ZC2HC1B: variants seen among roughly 807,000 people sequenced by gnomAD.
ZC2HC1B encodes zinc finger C2HC-type containing 1B.
In ZC2HC1B, 36 loss-of-function variants were observed where a neutral mutation model predicts 31.0. The ratio of observed to expected loss-of-function variants is 1.16; its 90% CI spans 0.89 to 1.54. The LOEUF (loss-of-function observed/expected upper bound fraction) is 1.54. Among genes scored for constraint, ZC2HC1B ranks in the 40% most tolerant of loss-of-function variants. The pLI is 0.00. For missense variants in ZC2HC1B, 260 were observed against 268.6 expected, an observed-to-expected ratio of 0.97 and a Z score of 0.22; for synonymous variants, 73 against 88.0, an observed-to-expected ratio of 0.83 and a Z score of 0.95.
At position 143,870,219 on chromosome 6, in the gene ZC2HC1B, G is replaced by T. The variant is rs550962909; in HGVS notation, c.28+5652G>T. Among the ~76,000 whole-genome samples the T allele has an allele frequency of 6.6e-6, 1 of 152,244 alleles. No individual in the cohort carries two copies. Among genetic ancestry groups the T allele is most frequent in the Admixed American group, 6.5e-5 (1 of 15,294 alleles). ...AAGCAAGTGCACTGTTCAAAGTTCT[G>T]CCCACTGGGAAAATTTTCCCTCACC... On this transcript the variant is annotated intron_variant, in intron 1 of 7. Transcript: ENST00000237275. This position sits in a 1 kb window ranked among gnomAD's most constrained non-coding sequence, Gnocchi z 4.7.
chr6:143,875,164 T>C (rs1013812668), intron 1 of ZC2HC1B, among the ~76,000 whole-genome samples: 1 of 152,158 alleles, frequency 6.6e-6, no homozygotes, highest in Non-Finnish European at 1.5e-5. Context: ...ATTTTGTAGT[T>C]GAGTGACTGT....
chr6:143,901,994 C>T (rs888219928), intron 5 of ZC2HC1B, among the ~76,000 whole-genome samples: 2 of 152,182 alleles, frequency 1.3e-5, no homozygotes, highest in South Asian at 2.1e-4. Context: ...AAGCAGCAAA[C>T]GGAAGTGTTT....
intron 5 of ZC2HC1B, 45 bp downstream of exon 5, chr6:143,898,736 C>G: frequency 6.5e-7 from 1 of 1,548,734 alleles, no homozygotes; most frequent in Non-Finnish European, 8.7e-7. Context: ...CCTTGAATGC[C>G]TAGGGGTGAG....
chr6:143,930,438 G>C (rs1043215920), intron 6 of ZC2HC1B, among the ~76,000 whole-genome samples: 1 of 144,138 alleles, frequency 6.9e-6, no homozygotes, highest in Non-Finnish European at 1.5e-5. Context: ...CCAGGCTGGA[G>C]TGCATTGGTG....
intron 1 of ZC2HC1B, among the ~76,000 whole-genome samples, chr6:143,882,307 A>G (rs1777476537): frequency 7.5e-6 from 1 of 133,186 alleles, no homozygotes; most frequent in African/African-American, 2.9e-5. Flanking sequence ...ACCCTTGCTT[A>G]AAATATGTAT....
intron 1 of ZC2HC1B, among the ~76,000 whole-genome samples, chr6:143,867,984 T>C (rs1777287158): frequency 6.6e-6 from 1 of 152,190 alleles, no homozygotes; most frequent in Non-Finnish European, 1.5e-5. Flanking sequence ...TGTCTGGAAA[T>C]ATATTCTACT....
chr6:143,911,167 A>G lies in ZC2HC1B; in HGVS notation c.598+8015A>G, dbSNP rs1257350665. ...TCATCCCTTTATTTTGAGCCTATGT[A>G]TGTCTTTGCAAGTAAGATGGGTCTC... On this transcript the variant is annotated intron_variant, in intron 6 of 7. Coordinates refer to ENST00000237275, the MANE Select transcript of ZC2HC1B (RefSeq NM_001013623.3). The surrounding 1 kb of genome is among the most constrained non-coding windows in gnomAD (Gnocchi z 4.5). Among the ~76,000 whole-genome samples the G allele has an allele frequency of 3.3e-5, 5 of 152,106 alleles. No homozygotes were observed. The highest frequency in any genetic ancestry group is 4.1e-4 in the South Asian group (2 of 4,830).
intron 6 of ZC2HC1B, among the ~76,000 whole-genome samples, chr6:143,928,891 A>G (rs1364471507): frequency 6.7e-6 from 1 of 148,824 alleles, no homozygotes; most frequent in African/African-American, 2.5e-5. Context: ...GGTTCTTAGC[A>G]TGATTATTAT....
chr6:143,893,434 G>A, intron 4 of ZC2HC1B, among the ~76,000 whole-genome samples: 1 of 152,034 alleles, frequency 6.6e-6, no homozygotes, highest in East Asian at 2.0e-4. Flanking sequence ...CAGGCATGGT[G>A]GCTCACTCCT....
At position 143,902,969 on chromosome 6, in the gene ZC2HC1B, G is replaced by A. The variant is rs945584112; in HGVS notation, c.490-75G>A. 1.2e-5 allele frequency: 16 copies of A among 1,377,918 alleles called. No individual in the cohort carries two copies. The East Asian group carries it at 3.5e-4, about 30-fold the overall frequency. The allele number at this position is 1,377,918 out of a possible 1,614,324, so 85.4% of individuals were successfully genotyped here. A position where few individuals can be genotyped will look rare whatever the true frequency, so the allele number is the denominator to read the frequency against. ...TTCTGCTGCTGGTTAAGTGGGAACA[G>A]CTGTACCTCCTATGTGGCACCTGAG... is the stretch of plus-strand genomic sequence containing the variant. On this transcript the variant is annotated intron_variant, in intron 5 of 7. Coordinates refer to ENST00000237275, the MANE Select transcript of ZC2HC1B (RefSeq NM_001013623.3).
rs1318558008 is a variant in ZC2HC1B, at chr6:143,913,686, G to A, written c.598+10534G>A. Among the ~76,000 whole-genome samples, 4 of 152,188 alleles carry A rather than the reference G, an allele frequency of 2.6e-5. No homozygotes were observed. Among genetic ancestry groups the A allele is most frequent in the Non-Finnish European group, 5.9e-5 (4 of 68,028 alleles). The stretch of plus-strand genomic sequence containing the variant: ...CAGATCCAAGGCTCTGGTGGCATAG[G>A]CTCACAAGGGGATCTCCTGATCCAC... On this transcript the variant is annotated intron_variant, in intron 6 of 7. Coordinates refer to ENST00000237275, the MANE Select transcript of ZC2HC1B (RefSeq NM_001013623.3). This position sits in a 1 kb window ranked among gnomAD's most constrained non-coding sequence, Gnocchi z 5.7.
intron 6 of ZC2HC1B, among the ~76,000 whole-genome samples, chr6:143,904,594 A>C (rs879374836): frequency 6.6e-6 from 1 of 152,112 alleles, no homozygotes; most frequent in African/African-American, 2.4e-5. Flanking sequence ...TAAATTTTTA[A>C]AATTTTAGTG....
At chr6:143,914,750 T>C (rs928604882) in intron 6 of ZC2HC1B, among the ~76,000 whole-genome samples, 2 of 152,202 alleles carry the variant, frequency 1.3e-5, no homozygotes, top group African/African-American at 4.8e-5. Context: ...AGGTTCCTCT[T>C]TGTGTCTTGT....
intron 6 of ZC2HC1B, among the ~76,000 whole-genome samples, chr6:143,904,138 C>G (rs942416393): frequency 6.6e-6 from 1 of 152,068 alleles, no homozygotes; most frequent in Non-Finnish European, 1.5e-5. Context: ...TGTATATATT[C>G]TTTGAAAAAA....
chr6:143,890,929 A>C (rs1562340328), intron 4 of ZC2HC1B, among the ~76,000 whole-genome samples: 1 of 151,890 alleles, frequency 6.6e-6, no homozygotes, highest in Non-Finnish European at 1.5e-5. Context: ...GGTGTTCGAG[A>C]CCAGACTGGC....
intron 6 of ZC2HC1B, among the ~76,000 whole-genome samples, chr6:143,936,848 C>A (rs1778184569): frequency 6.6e-6 from 1 of 152,192 alleles, no homozygotes; most frequent in Admixed American, 6.5e-5. Flanking sequence ...TGTAGCAAAC[C>A]TGTTGAGCAT....
intron 1 of ZC2HC1B, among the ~76,000 whole-genome samples, chr6:143,873,822 C>T (rs893748391): frequency 3.3e-5 from 5 of 152,220 alleles, no homozygotes; most frequent in Non-Finnish European, 7.3e-5. Flanking sequence ...CCTCCTAGAC[C>T]TCTGGGCGTT....
intron 1 of ZC2HC1B, among the ~76,000 whole-genome samples, chr6:143,866,378 T>TTA (rs1777262287): frequency 6.6e-6 from 1 of 152,344 alleles, no homozygotes; most frequent in Middle Eastern, 3.4e-3. Context: ...CGCTGTAGAG[T>TTA]TATCAATTTG....
chr6:143,902,508 T>C lies in ZC2HC1B; in HGVS notation c.490-536T>C, dbSNP rs541487612. Among the ~76,000 whole-genome samples the C allele has an allele frequency of 5.3e-5, 8 of 152,216 alleles. No homozygotes were observed. In the South Asian group the frequency reaches 1.5e-3, roughly 28 times the overall value. ...ACTGGAGGTGGGATCAGTGGCAAGA[T>C]AAAAGGAGCATGTGAGAAACCTTTT... On this transcript the variant is annotated intron_variant, in intron 5 of 7. Coordinates refer to ENST00000237275, the MANE Select transcript of ZC2HC1B (RefSeq NM_001013623.3).
Sources: gnomAD v4.1 joint callset for allele counts (sites outside exome capture counted in the v4.1 genomes callset) on GRCh38, gnomAD v4.1.1 for gene constraint, Gnocchi (gnomAD v3.1) non-coding constraint, MANE v1.5 for transcripts, NCBI Gene and HGNC (gene_info 2026-07-23, HGNC 2026-07-21) for gene names.